The following QTMAN variants were observed in gnomAD, a reference collection of about 807,000 sequenced individuals.
The protein encoded by QTMAN is queuosine-tRNA mannosyltransferase.
chr2:144,153,555 G>A, the QTMAN span, among the ~76,000 whole-genome samples: 1 of 152,162 alleles, frequency 6.6e-6, no homozygotes, highest in Non-Finnish European at 1.5e-5. Flanking sequence ...GCCAGGCATG[G>A]TGGCAGGTGC....
the QTMAN span, chr2:143,943,369 T>C: frequency 6.6e-6 from 1 of 152,202 alleles, no homozygotes; most frequent in Non-Finnish European, 1.5e-5. Flanking sequence ...TAATATTAAA[T>C]AGTCCCAAAT....
At chr2:144,169,237 T>G in the QTMAN span, among the ~76,000 whole-genome samples, 1 of 152,130 alleles carries the variant, frequency 6.6e-6, no homozygotes, top group Non-Finnish European at 1.5e-5. Context: ...TCCCAAGAGA[T>G]ATCTATGTGC....
chr2:143,993,340 C>T, the QTMAN span, among the ~76,000 whole-genome samples: 24 of 151,828 alleles, frequency 1.6e-4, no homozygotes, highest in Non-Finnish European at 5.9e-5. Context: ...TGAAAAATGG[C>T]CCCCCAAAAG....
At chr2:144,246,178 A>C in the QTMAN span, among the ~76,000 whole-genome samples, 1 of 152,218 alleles carries the variant, frequency 6.6e-6, no homozygotes, top group Non-Finnish European at 1.5e-5. Flanking sequence ...GTAAAGTATT[A>C]ATACTAAGGG....
At chr2:143,952,719 G>T in the QTMAN span, 1 of 1,163,970 alleles carries the variant, frequency 8.6e-7, no homozygotes, top group Non-Finnish European at 1.3e-6. Context: ...TTCTAATTTA[G>T]CATGAATCAT....
the QTMAN span, among the ~76,000 whole-genome samples, chr2:144,107,720 T>C: frequency 6.6e-6 from 1 of 152,018 alleles, no homozygotes. Context: ...TTCTAAGCAA[T>C]AGAAAAAGAG....
the QTMAN span, among the ~76,000 whole-genome samples, chr2:144,133,195 A>AT: frequency 2.5e-5 from 2 of 79,508 alleles, no homozygotes; most frequent in African/African-American, 6.3e-5. Context: ...ATAAATTTAT[A>AT]TATATATATT....
At chr2:144,069,795 A>C in the QTMAN span, among the ~76,000 whole-genome samples, 1 of 152,120 alleles carries the variant, frequency 6.6e-6, no homozygotes, top group South Asian at 2.1e-4. Flanking sequence ...ATTAATCATT[A>C]GCATTTTGCA....
chr2:143,952,599 G>A, the QTMAN span, among the ~76,000 whole-genome samples: 2 of 151,510 alleles, frequency 1.3e-5, no homozygotes, highest in African/African-American at 2.4e-5. Flanking sequence ...AAGAACAGAT[G>A]GTAAATATAA....
the QTMAN span, among the ~76,000 whole-genome samples, chr2:144,014,316 C>T: frequency 1.3e-5 from 2 of 152,092 alleles, no homozygotes; most frequent in African/African-American, 2.4e-5. Context: ...GGGGGAATAC[C>T]CGCTAGCCCA....
the QTMAN span, among the ~76,000 whole-genome samples, chr2:144,220,629 T>C: frequency 1.3e-5 from 2 of 152,194 alleles, no homozygotes; most frequent in Non-Finnish European, 2.9e-5. Context: ...GCAAACAGTG[T>C]TTTCAAACAG....
chr2:144,260,290 T>G, the QTMAN span, among the ~76,000 whole-genome samples: 1 of 152,146 alleles, frequency 6.6e-6, no homozygotes, highest in African/African-American at 2.4e-5. Context: ...TGCTTCACCT[T>G]CATTTTTTTC....
At chr2:144,152,824 G>T in the QTMAN span, among the ~76,000 whole-genome samples, 1 of 152,166 alleles carries the variant, frequency 6.6e-6, no homozygotes, top group African/African-American at 2.4e-5. Context: ...GGTGAAATAA[G>T]CCGTAAATAC....
chr2:144,140,049 G>A, the QTMAN span, among the ~76,000 whole-genome samples: 61 of 152,014 alleles, frequency 4.0e-4, no homozygotes, highest in African/African-American at 1.3e-3. Context: ...GAAACTGCAG[G>A]CGTTAGAATG....
At chr2:144,134,446 T>C in the QTMAN span, among the ~76,000 whole-genome samples, 1 of 152,132 alleles carries the variant, frequency 6.6e-6, no homozygotes, top group African/African-American at 2.4e-5. Context: ...CAACATCCTT[T>C]TTCCCTCTTC....
At chr2:144,199,892 G>C in the QTMAN span, among the ~76,000 whole-genome samples, 1 of 152,032 alleles carries the variant, frequency 6.6e-6, no homozygotes, top group African/African-American at 2.4e-5. Flanking sequence ...ATACTCCAAA[G>C]TGATTTTTTT....
chr2:144,224,978 G>A, the QTMAN span, among the ~76,000 whole-genome samples: 1 of 152,216 alleles, frequency 6.6e-6, no homozygotes, highest in South Asian at 2.1e-4. Flanking sequence ...TCAAGAAGGT[G>A]AACCAAGAGC....
At chr2:144,099,522 GGTT>G in the QTMAN span, among the ~76,000 whole-genome samples, 1 of 152,154 alleles carries the variant, frequency 6.6e-6, no homozygotes, top group Non-Finnish European at 1.5e-5. Flanking sequence ...AGGAAATGTG[GGTT>G]GTTTTTTCCA....
the QTMAN span, among the ~76,000 whole-genome samples, chr2:144,089,779 G>A: frequency 1.3e-5 from 2 of 151,900 alleles, no homozygotes; most frequent in Non-Finnish European, 2.9e-5. Context: ...GGAGAGTGGG[G>A]GAGAGGGGAG....
Sources: gnomAD v4.1 joint callset for allele counts (sites outside exome capture counted in the v4.1 genomes callset) on GRCh38, gnomAD v4.1.1 for gene constraint, MANE v1.5 for transcripts, NCBI Gene and HGNC (gene_info 2026-07-23, HGNC 2026-07-21) for gene names.